Variants in RANBP1 observed in about 807,000 individuals in gnomAD.
RANBP1 encodes ran-specific GTPase-activating protein.
Under a neutral mutation model 31.4 loss-of-function variants are expected in RANBP1, and 16 were observed. That is an observed-to-expected ratio of 0.51 (90% CI 0.34 to 0.77). The LOEUF (loss-of-function observed/expected upper bound fraction) is 0.77. Ranked by LOEUF, RANBP1 falls within the 30% of genes least tolerant of loss-of-function variation. RANBP1 has a pLI of 0.01. For synonymous variants in RANBP1, 129 were observed against 140.5 expected (o/e 0.92, Z 0.58); for missense variants, 265 against 362.0 (o/e 0.73, Z 2.17).
At chr22:20,118,490 C>T (rs941464255) in intron 1 of RANBP1, among the ~76,000 whole-genome samples, 8 of 152,176 alleles carry the variant, frequency 5.3e-5, no homozygotes, top group Non-Finnish European at 8.8e-5. Context: ...TACTAGCAGT[C>T]CTGTAGCGAC....
rs1218637779 is a variant in RANBP1 at position 20,125,618 on chromosome 22, G to A, written c.670+182G>A. 9 of 1,496,548 alleles carry A rather than the reference G, an allele frequency of 6.0e-6. No homozygotes were observed. In the Admixed American group the frequency reaches 6.4e-5, roughly 11 times the overall value. 92.7% of individuals were successfully genotyped at this position (1,496,548 alleles called of 1,614,324 possible). A position where few individuals can be genotyped will look rare whatever the true frequency, so the allele number is the denominator to read the frequency against. On this transcript the variant is annotated intron_variant, in intron 4 of 5. Coordinates refer to ENST00000430524, the MANE Select transcript of RANBP1 (RefSeq NM_001278639.2). ...TGCCCAGACTGAAGCCATGAGCAGCGCCTTCCCCCTTAAACTCAAAGCTGT... is the reference window on the plus strand; with the variant it reads ...TGCCCAGACTGAAGCCATGAGCAGCACCTTCCCCCTTAAACTCAAAGCTGT...
rs770732660 is a variant in RANBP1 at position 20,116,520 on chromosome 22, C to T, written c.246+90C>T. 20 of 1,610,976 alleles carry T rather than the reference C, an allele frequency of 1.2e-5. No individual in the cohort carries two copies. In the Admixed American group the frequency reaches 3.0e-4, roughly 24 times the overall value. On this transcript the variant is annotated intron_variant, in intron 1 of 5. Coordinates refer to ENST00000430524, the MANE Select transcript of RANBP1 (RefSeq NM_001278639.2). ...CAGCGCCCTCTTTCTCCACCTCCTCCAGGGCTGCCGGGGCTGCAGGGGGCA... is the reference window on the plus strand; with the variant it reads ...CAGCGCCCTCTTTCTCCACCTCCTCTAGGGCTGCCGGGGCTGCAGGGGGCA...
Position 20,127,250 on chromosome 22 carries a change from A to G in RANBP1, c.*198A>G. 1 of 427,308 alleles carries G rather than the reference A, an allele frequency of 2.3e-6. No homozygotes were observed. The highest frequency in any genetic ancestry group is 4.3e-6 in the Non-Finnish European group (1 of 233,172). 26.5% of individuals were successfully genotyped at this position (427,308 alleles called of 1,614,324 possible). The stretch of plus-strand genomic sequence containing the variant: ...TATTGAAGATGACTTCAGAAAATCC[A>G]TTCCCCAGTCATGAAAATGTACTGT... On this transcript the variant is annotated 3_prime_UTR_variant, in exon 6 of 6. Transcript: ENST00000430524.
At chr22:20,122,173 C>T (rs2050186008) in intron 2 of RANBP1, 91 bp from the exon 3 acceptor site, 9 of 1,432,038 alleles carry the variant, frequency 6.3e-6, no homozygotes, top group Middle Eastern at 2.2e-4. Flanking sequence ...GGCATGGGGT[C>T]CTGCAGTGCA....
intron 3 of RANBP1, chr22:20,125,090 T>C: frequency 1.8e-6 from 1 of 559,932 alleles, no homozygotes; most frequent in Non-Finnish European, 3.2e-6. Flanking sequence ...TTTAGGATGG[T>C]CCTGGTTTTA....
chr22:20,120,804 G>A (rs994807726), intron 2 of RANBP1, among the ~76,000 whole-genome samples: 14 of 152,266 alleles, frequency 9.2e-5, no homozygotes, highest in African/African-American at 2.4e-4. Flanking sequence ...GAGCCACCGC[G>A]TCCGGTCATC....
chr22:20,126,446 T>A, intron 5 of RANBP1, 78 bp downstream of exon 5: 1 of 1,610,180 alleles, frequency 6.2e-7, no homozygotes, highest in Non-Finnish European at 8.5e-7. Flanking sequence ...CGGGTGCTTT[T>A]TCTGTCTGCC....
intron 1 of RANBP1, 35 bp downstream of exon 1, chr22:20,116,465 C>G (rs757663099): frequency 6.2e-7 from 1 of 1,612,776 alleles, no homozygotes; most frequent in Admixed American, 1.7e-5. Context: ...CTGTAGAGCC[C>G]GGGCTGAGGC....
At chr22:20,117,549 C>G in intron 1 of RANBP1, 1 of 1,399,286 alleles carries the variant, frequency 7.1e-7, no homozygotes, top group South Asian at 1.4e-5. Context: ...GCGGGAGGCG[C>G]CGGCGCCAGA....
At chr22:20,124,837 G>T in intron 3 of RANBP1, 1 of 176,250 alleles carries the variant, frequency 5.7e-6, no homozygotes, top group South Asian at 1.3e-4. Context: ...GGAAAGACTG[G>T]GCCCCCTGGG....
intron 2 of RANBP1, chr22:20,119,545 T>A (rs1393675981): frequency 4.9e-6 from 1 of 204,294 alleles, no homozygotes; most frequent in Non-Finnish European, 1.0e-5. Flanking sequence ...GTTGTTGTTT[T>A]GAGATGGAGT....
chr22:20,118,982 C>T (rs1190656146), intron 1 of RANBP1, 31 bp from the exon 2 acceptor site: 9 of 1,605,424 alleles, frequency 5.6e-6, no homozygotes, highest in Non-Finnish European at 6.8e-6. Context: ...GATCCATAGG[C>T]CAGCAGTGTA....
chr22:20,118,142 C>T (rs761889273), intron 1 of RANBP1: 4 of 1,001,080 alleles, frequency 4.0e-6, no homozygotes, highest in Non-Finnish European at 4.8e-6. Flanking sequence ...GTCCTAGATG[C>T]GCCGACCCAG....
intron 1 of RANBP1, chr22:20,117,138 G>A: frequency 1.8e-6 from 1 of 571,202 alleles, no homozygotes; most frequent in Non-Finnish European, 2.9e-6. Context: ...GGGCTGTACC[G>A]CCCGCCCGCC....
chr22:20,118,876 C>T (rs2050112869), intron 1 of RANBP1, 137 bp from the exon 2 acceptor site: 2 of 824,268 alleles, frequency 2.4e-6, no homozygotes, highest in Non-Finnish European at 3.8e-6. Context: ...GGCCTAATTT[C>T]TTGCTTTGGG....
At chr22:20,117,197 G>A in intron 1 of RANBP1, 1 of 541,330 alleles carries the variant, frequency 1.8e-6, no homozygotes, top group Non-Finnish European at 3.1e-6. Context: ...TAGTCCGCCA[G>A]CGCGTGCGGC....
chr22:20,117,615 C>A, intron 1 of RANBP1: 2 of 1,313,412 alleles, frequency 1.5e-6, no homozygotes, highest in South Asian at 1.9e-5. Flanking sequence ...CAGCGACGAC[C>A]GACCCAGCCG....
chr22:20,126,491 G>T (rs747454744), intron 5 of RANBP1, 123 bp downstream of exon 5: 1 of 1,596,446 alleles, frequency 6.3e-7, no homozygotes. Flanking sequence ...GCCGCCTCAC[G>T]TATCCAGAGT....
chr22:20,125,763 C>T (rs1296124079), intron 4 of RANBP1, among the ~76,000 whole-genome samples: 1 of 152,274 alleles, frequency 6.6e-6, no homozygotes, highest in Non-Finnish European at 1.5e-5. Context: ...CCCAGGGCTT[C>T]CTCCCAGTGC....
Sources: gnomAD v4.1 joint callset for allele counts (sites outside exome capture counted in the v4.1 genomes callset) on GRCh38, gnomAD v4.1.1 for gene constraint, MANE v1.5 for transcripts, NCBI Gene and HGNC (gene_info 2026-07-23, HGNC 2026-07-21) for gene names.